SPOCK1: variants seen among roughly 807,000 people sequenced by gnomAD.
The protein encoded by SPOCK1 is testican-1.
SPOCK1 carries 23 observed loss-of-function variants against 55.3 expected under a neutral mutation model. The observed-to-expected ratio is 0.42, with a 90% CI of 0.30 to 0.59. SPOCK1 has a LOEUF of 0.59. Among genes scored for constraint, SPOCK1 ranks in the 20% least tolerant of loss-of-function variants. The pLI is 0.22. For missense variants in SPOCK1, 499 were observed against 552.5 expected (o/e 0.90, Z 0.97); for synonymous variants, 226 against 221.0 (o/e 1.02, Z -0.20).
In SPOCK1 at chr5:137,143,533, T is replaced by C. The variant is rs981985256; in HGVS notation, c.233-2839A>G. Among the ~76,000 whole-genome samples the C allele has an allele frequency of 1.3e-5, 2 of 152,096 alleles. 1 individual carries two copies. The highest frequency in any genetic ancestry group is 1.3e-4 in the Admixed American group (2 of 15,270). ...CTAACCTTGCTATACCTCACTTTCC[T>C]CTCCTGTAAAAATGGGGATAATAAC... On this transcript the variant is annotated intron_variant, in intron 3 of 10. Coordinates refer to ENST00000394945, the MANE Select transcript of SPOCK1 (RefSeq NM_004598.4).
intron 4 of SPOCK1, among the ~76,000 whole-genome samples, chr5:137,113,023 C>T (rs540184512): frequency 1.3e-5 from 2 of 152,242 alleles, no homozygotes; most frequent in South Asian, 4.2e-4. Flanking sequence ...CAAAAGCACA[C>T]CTCTGAACAC....
chr5:137,105,042 C>G (rs1394392383), intron 5 of SPOCK1, among the ~76,000 whole-genome samples: 1 of 152,132 alleles, frequency 6.6e-6, no homozygotes, highest in Non-Finnish European at 1.5e-5. Context: ...GCACAAGACT[C>G]TTTTCCCCAC....
At chr5:137,384,574 A>AT (rs1409815171) in intron 2 of SPOCK1, among the ~76,000 whole-genome samples, 2 of 138,782 alleles carry the variant, frequency 1.4e-5, no homozygotes, top group Non-Finnish European at 3.1e-5. Context: ...ATATATATAT[A>AT]TATATGTATG....
chr5:137,326,048 T>C (rs1461770981), intron 2 of SPOCK1, among the ~76,000 whole-genome samples: 1 of 152,226 alleles, frequency 6.6e-6, no homozygotes, highest in Admixed American at 6.5e-5. Context: ...CCAGCACTTC[T>C]TACCGTATTC....
intron 6 of SPOCK1, among the ~76,000 whole-genome samples, chr5:137,058,197 G>A (rs935776669): frequency 2.0e-5 from 3 of 152,190 alleles, no homozygotes; most frequent in Non-Finnish European, 4.4e-5. Context: ...CCTTTCAGTG[G>A]ACATTGAATT....
rs894139459 is a variant in SPOCK1, at chr5:137,000,781, T to C, written c.590-8181A>G. 2.6e-5 allele frequency among the ~76,000 whole-genome samples: 4 copies of C among 152,158 alleles called. No homozygotes were observed. The East Asian group carries it at 7.7e-4, about 29-fold the overall frequency. On this transcript the variant is annotated intron_variant, in intron 6 of 10. Transcript: ENST00000394945. ...GCTCTGGGCTGGGCATGGTGGCTCA[T>C]GCCTGTAATCCCAGCATTTTGGGAG...
intron 5 of SPOCK1, among the ~76,000 whole-genome samples, chr5:137,102,461 G>T (rs1280805992): frequency 2.0e-5 from 3 of 152,202 alleles, no homozygotes; most frequent in African/African-American, 7.2e-5. Context: ...GGAAAGAAAC[G>T]GAGTGGTGGC....
At chr5:137,079,289 C>T (rs1280876095) in intron 5 of SPOCK1, among the ~76,000 whole-genome samples, 1 of 152,206 alleles carries the variant, frequency 6.6e-6, no homozygotes, top group East Asian at 1.9e-4. Flanking sequence ...AGAGTATGTA[C>T]TAAATAAATG....
At chr5:137,006,718 G>A (rs1351067164) in intron 6 of SPOCK1, among the ~76,000 whole-genome samples, 1 of 152,168 alleles carries the variant, frequency 6.6e-6, no homozygotes, top group African/African-American at 2.4e-5. Context: ...GCCCTGGCCA[G>A]AATTTCCAAT....
intron 2 of SPOCK1, among the ~76,000 whole-genome samples, chr5:137,350,084 T>C (rs1750646854): frequency 1.3e-5 from 2 of 152,058 alleles, no homozygotes; most frequent in African/African-American, 4.8e-5. Flanking sequence ...CTAAGAGACA[T>C]GTTCCTCTAG....
intron 2 of SPOCK1, among the ~76,000 whole-genome samples, chr5:137,328,108 C>A (rs559628491): frequency 6.7e-4 from 102 of 152,310 alleles, no homozygotes; most frequent in African/African-American, 2.4e-3. Flanking sequence ...AATTGGAGAA[C>A]AAATTGTGCA....
At chr5:137,015,320 G>C (rs182548171) in intron 6 of SPOCK1, among the ~76,000 whole-genome samples, 11 of 152,102 alleles carry the variant, frequency 7.2e-5, no homozygotes, top group African/African-American at 2.4e-4. Context: ...CATGGTAGTG[G>C]GCACCTGTAG....
At chr5:137,359,994 AC>A (rs992637219) in intron 2 of SPOCK1, among the ~76,000 whole-genome samples, 2 of 152,166 alleles carry the variant, frequency 1.3e-5, no homozygotes, top group African/African-American at 4.8e-5. Context: ...TCTCCTGATC[AC>A]CCAAGTAATT....
At chr5:137,303,968 G>A (rs1757652671) in intron 2 of SPOCK1, among the ~76,000 whole-genome samples, 1 of 152,122 alleles carries the variant, frequency 6.6e-6, no homozygotes, top group African/African-American at 2.4e-5. Context: ...TCTCAGTGTT[G>A]CAGAGAAGAA....
At chr5:137,398,015 G>A (rs1036349977) in intron 2 of SPOCK1, among the ~76,000 whole-genome samples, 1 of 152,066 alleles carries the variant, frequency 6.6e-6, no homozygotes. Context: ...GATGGCGATG[G>A]TAGGGTCAAT....
In SPOCK1 at chr5:137,107,921, T is replaced by C. The variant is rs7726838; in HGVS notation, c.474+4514A>G. Among the ~76,000 whole-genome samples, 956 of 152,330 alleles carry C rather than the reference T, an allele frequency of 6.3e-3. 12 individuals carry two copies. Among genetic ancestry groups the C allele is most frequent in the African/African-American group, 0.021 (886 of 41,570 alleles). On this transcript the variant is annotated intron_variant, in intron 5 of 10. Coordinates refer to ENST00000394945, the MANE Select transcript of SPOCK1 (RefSeq NM_004598.4). Reference sequence around the variant, plus strand: ...GGAGTGTGGGTTTCCCTGATGATGATGGGACAGGGACAGTAATATATTTTT... The same window carrying C: ...GGAGTGTGGGTTTCCCTGATGATGACGGGACAGGGACAGTAATATATTTTT...
Position 137,280,505 on chromosome 5 carries a change from G to A in SPOCK1, c.187-13450C>T, listed in dbSNP as rs1580844782. On this transcript the variant is annotated intron_variant, in intron 2 of 10. Transcript: ENST00000394945. ...ACAAGGCAGACTAAAGCAATAAGCT[G>A]CTTTTGCTTTTCTTTTTATTTTTGC... 2.0e-5 allele frequency among the ~76,000 whole-genome samples: 3 copies of A among 152,200 alleles called. No individual in the cohort carries two copies. In the South Asian group the frequency reaches 6.2e-4, roughly 31 times the overall value.
chr5:137,424,519 T>G (rs1442812774), intron 2 of SPOCK1, among the ~76,000 whole-genome samples: 1 of 152,216 alleles, frequency 6.6e-6, no homozygotes, highest in Non-Finnish European at 1.5e-5. Context: ...AAGCATTCAT[T>G]GCCATGAATG....
chr5:137,484,218 T>C lies in SPOCK1; in HGVS notation c.186+14155A>G, dbSNP rs899375837. 5.9e-5 allele frequency among the ~76,000 whole-genome samples: 9 copies of C among 152,346 alleles called. No homozygotes were observed. The South Asian group carries it at 1.7e-3, about 28-fold the overall frequency. ...CACTTAAAATCCAGCTTGGAGCATC[T>C]GCTCCTGCTCCTAATTAGGAACAAG... On this transcript the variant is annotated intron_variant, in intron 2 of 10. Coordinates refer to ENST00000394945, the MANE Select transcript of SPOCK1 (RefSeq NM_004598.4).
Sources: gnomAD v4.1 joint callset for allele counts (sites outside exome capture counted in the v4.1 genomes callset) on GRCh38, gnomAD v4.1.1 for gene constraint, MANE v1.5 for transcripts, NCBI Gene and HGNC (gene_info 2026-07-23, HGNC 2026-07-21) for gene names.